SUPT3H: variants seen among roughly 807,000 people sequenced by gnomAD.
SUPT3H encodes transcription initiation protein SPT3 homolog.
Under a neutral mutation model 44.3 loss-of-function variants are expected in SUPT3H, and 44 were observed. The observed-to-expected ratio is 0.99, with a 90% CI of 0.78 to 1.28. The LOEUF is 1.28. Ranked by LOEUF, SUPT3H falls within the 50% of genes most tolerant of loss-of-function variation. The pLI is 0.00. For missense variants in SUPT3H, 380 were observed against 387.1 expected, an observed-to-expected ratio of 0.98 and a Z score of 0.15; for synonymous variants, 124 against 125.6, an observed-to-expected ratio of 0.99 and a Z score of 0.09.
intron 10 of SUPT3H, among the ~76,000 whole-genome samples, chr6:44,883,950 G>A (rs1778693378): frequency 6.6e-6 from 1 of 151,948 alleles, no homozygotes; most frequent in Non-Finnish European, 1.5e-5. Context: ...CCATAAGCAT[G>A]GGCAAAGACT....
At chr6:44,982,845 T>C (rs780246256) in intron 6 of SUPT3H, among the ~76,000 whole-genome samples, 4 of 152,100 alleles carry the variant, frequency 2.6e-5, no homozygotes, top group Non-Finnish European at 4.4e-5. Context: ...AATAAAAGGA[T>C]AGGAAAAACA....
At chr6:44,821,221 G>A (rs1767290159) in intron 11 of SUPT3H, among the ~76,000 whole-genome samples, 1 of 152,076 alleles carries the variant, frequency 6.6e-6, no homozygotes, top group Non-Finnish European at 1.5e-5. Context: ...AGCTTTTTAC[G>A]GTGGATGCTT....
chr6:45,317,733 C>G (rs527252959), intron 2 of SUPT3H, among the ~76,000 whole-genome samples: 2 of 152,148 alleles, frequency 1.3e-5, no homozygotes, highest in South Asian at 4.1e-4. Flanking sequence ...AATTGCAAAG[C>G]TGCTAGAAGA....
intron 11 of SUPT3H, among the ~76,000 whole-genome samples, chr6:44,818,057 T>G (rs560363663): frequency 6.6e-6 from 1 of 152,118 alleles, no homozygotes. Flanking sequence ...CATGACTTAG[T>G]ATAGAAGTCA....
At chr6:44,870,189 T>C (rs978040982) in intron 10 of SUPT3H, among the ~76,000 whole-genome samples, 1 of 152,214 alleles carries the variant, frequency 6.6e-6, no homozygotes, top group African/African-American at 2.4e-5. Context: ...CTTCTACCAA[T>C]GGAACAGTGC....
intron 2 of SUPT3H, among the ~76,000 whole-genome samples, chr6:45,284,794 A>C (rs1778901033): frequency 6.6e-6 from 1 of 152,204 alleles, no homozygotes; most frequent in African/African-American, 2.4e-5. Context: ...ACAACAAAAA[A>C]AGAGAAGTTT....
At chr6:44,864,514 G>T (rs1224364106) in intron 10 of SUPT3H, among the ~76,000 whole-genome samples, 1 of 152,188 alleles carries the variant, frequency 6.6e-6, no homozygotes, top group African/African-American at 2.4e-5. Context: ...GGACATCCAG[G>T]TATTTCCCTA....
intron 2 of SUPT3H, among the ~76,000 whole-genome samples, chr6:45,211,538 T>C (rs1185852621): frequency 2.6e-5 from 4 of 152,096 alleles, no homozygotes; most frequent in Admixed American, 6.6e-5. Context: ...TCCAATAACA[T>C]GGTCTCTAGG....
intron 7 of SUPT3H, among the ~76,000 whole-genome samples, chr6:44,961,374 C>G (rs1775993500): frequency 6.6e-6 from 1 of 152,096 alleles, no homozygotes; most frequent in Non-Finnish European, 1.5e-5. Flanking sequence ...CTTTAAATGT[C>G]ATGACTACTA....
chr6:45,037,177 G>T (rs1787791641), intron 3 of SUPT3H, among the ~76,000 whole-genome samples: 2 of 152,052 alleles, frequency 1.3e-5, no homozygotes, highest in South Asian at 4.1e-4. Context: ...GAATTCAGGT[G>T]ATTTCAGAGC....
At chr6:45,067,697 G>C (rs376385212) in intron 3 of SUPT3H, among the ~76,000 whole-genome samples, 1 of 148,458 alleles carries the variant, frequency 6.7e-6, no homozygotes, top group African/African-American at 2.5e-5. Context: ...ATGCAGCCAA[G>C]AAACACATGA....
chr6:45,328,872 A>C (rs1390839864), intron 2 of SUPT3H: 1 of 1,345,654 alleles, frequency 7.4e-7, no homozygotes, highest in African/African-American at 1.4e-5. Flanking sequence ...AGCTTTTCCA[A>C]ATAGCATATT....
intron 2 of SUPT3H, among the ~76,000 whole-genome samples, chr6:45,176,567 C>T (rs1374083392): frequency 3.4e-3 from 473 of 139,712 alleles, no homozygotes; most frequent in Admixed American, 3.8e-3. Flanking sequence ...CTGGGTGGAG[C>T]CCACCACAGC....
chr6:44,886,094 C>G (rs1307157204), intron 10 of SUPT3H, among the ~76,000 whole-genome samples: 3 of 152,172 alleles, frequency 2.0e-5, no homozygotes, highest in Admixed American at 6.5e-5. Flanking sequence ...CGAACAATGC[C>G]TCCAAGAAAT....
chr6:45,082,501 C>G (rs1395241030), intron 3 of SUPT3H, among the ~76,000 whole-genome samples: 1 of 141,868 alleles, frequency 7.0e-6, no homozygotes, highest in Non-Finnish European at 1.6e-5. Flanking sequence ...ACATATATGT[C>G]AATAAATGTA....
At chr6:44,904,684 G>T (rs1427169244) in intron 10 of SUPT3H, among the ~76,000 whole-genome samples, 2 of 152,044 alleles carry the variant, frequency 1.3e-5, no homozygotes, top group African/African-American at 4.8e-5. Context: ...AAGTTCATAT[G>T]GAACCAAAAA....
chr6:44,901,527 A>G (rs1385901496), intron 10 of SUPT3H, among the ~76,000 whole-genome samples: 1 of 152,080 alleles, frequency 6.6e-6, no homozygotes, highest in East Asian at 1.9e-4. Flanking sequence ...ACTATGTGAA[A>G]AGACCAAATC....
intron 2 of SUPT3H, among the ~76,000 whole-genome samples, chr6:45,296,208 ACACAC>A (rs1781197694): frequency 6.6e-6 from 1 of 151,826 alleles, no homozygotes; most frequent in South Asian, 2.1e-4. Flanking sequence ...ACACACACAC[ACACAC>A]AATGCAACAC....
chr6:45,134,076 T>A (rs1367043063), intron 2 of SUPT3H, among the ~76,000 whole-genome samples: 1 of 152,218 alleles, frequency 6.6e-6, no homozygotes, highest in Non-Finnish European at 1.5e-5. Flanking sequence ...GAGTAATTTA[T>A]AAAGAACAGA....
Sources: allele counts gnomAD v4.1 joint callset (sites outside exome capture counted in the v4.1 genomes callset), GRCh38; gene constraint gnomAD v4.1.1; transcripts MANE v1.5; gene names NCBI Gene and HGNC (gene_info 2026-07-23, HGNC 2026-07-21).